CCDC178: variants seen among roughly 807,000 people sequenced by gnomAD.
The protein encoded by CCDC178 is coiled-coil domain-containing protein 178.
A neutral mutation model predicts 117.4 loss-of-function variants in CCDC178; 126 were observed. The observed-to-expected ratio is 1.07, with a 90% CI of 0.93 to 1.24. The LOEUF (loss-of-function observed/expected upper bound fraction) is 1.24. Ranked by LOEUF, CCDC178 falls within the 50% of genes most tolerant of loss-of-function variation. CCDC178 has a pLI of 0.00. For missense variants in CCDC178, 1,030 were observed against 986.9 expected, an observed-to-expected ratio of 1.04 and a Z score of -0.59; for synonymous variants, 283 against 313.4, an observed-to-expected ratio of 0.90 and a Z score of 1.02.
chr18:33,151,308 C>T (rs12456661), intron 20 of CCDC178, among the ~76,000 whole-genome samples: 85,498 of 151,834 alleles, frequency 0.56, 27,476 homozygotes, highest in Non-Finnish European at 0.7. Context: ...GGTGTGGTGG[C>T]GAGCACCTGA....
intron 21 of CCDC178, among the ~76,000 whole-genome samples, chr18:33,036,495 A>G (rs2056447478): frequency 6.6e-6 from 1 of 151,884 alleles, no homozygotes; most frequent in African/African-American, 2.4e-5. Context: ...AGAAAGCTCT[A>G]GGGAAAGCTT....
intron 21 of CCDC178, among the ~76,000 whole-genome samples, chr18:32,976,011 A>G (rs536441638): frequency 2.0e-5 from 3 of 152,226 alleles, no homozygotes; most frequent in African/African-American, 7.2e-5. Flanking sequence ...AATAACACAT[A>G]TGTATTTGTG....
At chr18:33,157,444 G>C (rs1176261064) in intron 20 of CCDC178, among the ~76,000 whole-genome samples, 1 of 152,036 alleles carries the variant, frequency 6.6e-6, no homozygotes, top group African/African-American at 2.4e-5. Flanking sequence ...ATATGATTTT[G>C]TTCTCATGAA....
intron 7 of CCDC178, among the ~76,000 whole-genome samples, chr18:33,350,454 C>T (rs4799694): frequency 0.24 from 37,200 of 151,990 alleles, 4,853 homozygotes; most frequent in East Asian, 0.48. Context: ...CTTCAACCCA[C>T]TATCCCATAG....
chr18:33,208,671 G>A (rs1461739414), intron 20 of CCDC178, among the ~76,000 whole-genome samples: 1 of 152,068 alleles, frequency 6.6e-6, no homozygotes, highest in Non-Finnish European at 1.5e-5. Context: ...GAATATCTCA[G>A]AGAATAAATT....
At chr18:33,284,888 G>C (rs1487912803) in intron 12 of CCDC178, among the ~76,000 whole-genome samples, 2 of 151,584 alleles carry the variant, frequency 1.3e-5, no homozygotes, top group African/African-American at 4.8e-5. Flanking sequence ...AAATGCAACT[G>C]TACTGTAGCT....
chr18:33,051,543 A>G (rs556360032), intron 21 of CCDC178, among the ~76,000 whole-genome samples: 1 of 152,348 alleles, frequency 6.6e-6, no homozygotes, highest in Middle Eastern at 3.4e-3. Flanking sequence ...AAGATTCAGA[A>G]AGTGCTTCAA....
At chr18:33,030,471 T>C (rs989037863) in intron 21 of CCDC178, among the ~76,000 whole-genome samples, 12 of 150,322 alleles carry the variant, frequency 8.0e-5, no homozygotes, top group African/African-American at 3.0e-4. Context: ...TTATTATCAA[T>C]ATAGTTGTTT....
At chr18:33,322,947 T>A (rs1488200406) in intron 11 of CCDC178, among the ~76,000 whole-genome samples, 1 of 151,050 alleles carries the variant, frequency 6.6e-6, no homozygotes, top group Non-Finnish European at 1.5e-5. Flanking sequence ...CATAAAGAAG[T>A]TATAGTCAAC....
chr18:33,106,976 G>C (rs960593128), intron 20 of CCDC178, among the ~76,000 whole-genome samples: 2 of 151,644 alleles, frequency 1.3e-5, no homozygotes, highest in African/African-American at 4.8e-5. Flanking sequence ...ACGAACAATT[G>C]CAAGAAATTG....
intron 19 of CCDC178, among the ~76,000 whole-genome samples, chr18:33,212,630 G>T (rs1183757132): frequency 6.6e-6 from 1 of 151,904 alleles, no homozygotes; most frequent in African/African-American, 2.4e-5. Flanking sequence ...TATGTAAGAT[G>T]ATGCATTTTT....
chr18:33,218,598 G>A (rs2059195486), intron 18 of CCDC178, among the ~76,000 whole-genome samples: 2 of 152,118 alleles, frequency 1.3e-5, no homozygotes, highest in Non-Finnish European at 2.9e-5. Flanking sequence ...TAACATTTAA[G>A]TCTTTAATCC....
chr18:33,428,178 G>C (rs2064147532), intron 2 of CCDC178, among the ~76,000 whole-genome samples: 1 of 152,136 alleles, frequency 6.6e-6, no homozygotes. Context: ...CACTTCTGCA[G>C]ATGTTTGATA....
chr18:33,321,438 G>A lies in CCDC178; in HGVS notation c.1022+2053C>T, dbSNP rs144687746. Among the ~76,000 whole-genome samples the A allele has an allele frequency of 6.6e-5, 10 of 152,024 alleles. No individual in the cohort carries two copies. In the East Asian group the frequency reaches 1.9e-3, roughly 29 times the overall value. ...AAAAAATAAAAATAGTTATTTTGTG[G>A]GTAAATTTAAAAAATAACCTTGACT... is the stretch of plus-strand genomic sequence containing the variant. On this transcript the variant is annotated intron_variant, in intron 11 of 22. Coordinates refer to ENST00000383096, the MANE Select transcript of CCDC178 (RefSeq NM_001105528.4).
chr18:33,286,305 A>AT (rs1405987203), intron 12 of CCDC178, among the ~76,000 whole-genome samples: 1 of 152,000 alleles, frequency 6.6e-6, no homozygotes, highest in African/African-American at 2.4e-5. Flanking sequence ...ATGTTATCCT[A>AT]TTTTATCTAC....
rs1191311670 is a variant in CCDC178 at position 33,286,078 on chromosome 18, A to G, written c.1176+7081T>C. On this transcript the variant is annotated intron_variant, in intron 12 of 22. Transcript: ENST00000383096. ...AACCTCTGCCTCCCGGTTTCAAGCAATTCTCCTGCCTGAGCCTCCTGAGCA... is the reference window on the plus strand; with the variant it reads ...AACCTCTGCCTCCCGGTTTCAAGCAGTTCTCCTGCCTGAGCCTCCTGAGCA... Among the ~76,000 whole-genome samples, 3 of 150,782 alleles carry G rather than the reference A, an allele frequency of 2.0e-5. No homozygotes were observed. The Admixed American group carries it at 2.0e-4, about 10-fold the overall frequency.
At chr18:33,265,184 A>C (rs1433701997) in intron 14 of CCDC178, among the ~76,000 whole-genome samples, 2 of 152,170 alleles carry the variant, frequency 1.3e-5, no homozygotes, top group Non-Finnish European at 2.9e-5. Flanking sequence ...AGGTAAAATA[A>C]TTCTAAGAAA....
intron 4 of CCDC178, among the ~76,000 whole-genome samples, chr18:33,391,876 T>C (rs2063569375): frequency 6.6e-6 from 1 of 152,012 alleles, no homozygotes; most frequent in Non-Finnish European, 1.5e-5. Context: ...TTCTTTTTTT[T>C]TTTTCTGAGG....
chr18:33,252,807 CT>C (rs1357163539), intron 14 of CCDC178, among the ~76,000 whole-genome samples: 4 of 151,730 alleles, frequency 2.6e-5, no homozygotes, highest in Non-Finnish European at 5.9e-5. Context: ...CCAACCCCAT[CT>C]TTGGCTCACT....
Sources: allele counts gnomAD v4.1 joint callset (sites outside exome capture counted in the v4.1 genomes callset), GRCh38; gene constraint gnomAD v4.1.1; transcripts MANE v1.5; gene names NCBI Gene and HGNC (gene_info 2026-07-23, HGNC 2026-07-21).